ANXA4: variants seen among roughly 807,000 people sequenced by gnomAD.
The protein encoded by ANXA4 is 35-beta calcimedin.
Under a neutral mutation model 49.8 loss-of-function variants are expected in ANXA4, and 39 were observed. That is an observed-to-expected ratio of 0.78 (90% CI 0.61 to 1.02). The LOEUF (loss-of-function observed/expected upper bound fraction) is 1.02, where lower values mean the gene tolerates loss of function less well. ANXA4 is among the 50% of genes least tolerant of loss of function. The pLI, the probability that ANXA4 is intolerant of heterozygous loss-of-function variation, is 0.00. For synonymous variants in ANXA4, 134 were observed against 152.5 expected (o/e 0.88, Z 0.89); for missense variants, 360 against 410.1 (o/e 0.88, Z 1.05).
At chr2:69,651,823 G>T (rs1235517189) in intron 1 of ANXA4, among the ~76,000 whole-genome samples, 152 of 52,172 alleles carry the variant, frequency 2.9e-3, no homozygotes, top group African/African-American at 0.011. Context: ...TTTTTGGGGG[G>T]GGGGGGCGGG....
At chr2:69,760,324 A>G (rs2105521834) in intron 1 of ANXA4, among the ~76,000 whole-genome samples, 1 of 152,358 alleles carries the variant, frequency 6.6e-6, no homozygotes, top group South Asian at 2.1e-4. Context: ...ATATGGTTTA[A>G]AAATCTAAAA....
At chr2:69,715,302 T>C (rs1358523656) in intron 2 of ANXA4, among the ~76,000 whole-genome samples, 1 of 152,156 alleles carries the variant, frequency 6.6e-6, no homozygotes, top group Non-Finnish European at 1.5e-5. Flanking sequence ...CTCCCCCTCC[T>C]GGGTTCAAGC....
intron 3 of ANXA4, among the ~76,000 whole-genome samples, chr2:69,727,415 A>G (rs1300331789): frequency 6.6e-6 from 1 of 152,168 alleles, no homozygotes; most frequent in Non-Finnish European, 1.5e-5. Flanking sequence ...AACATTTGGT[A>G]TAACTAGTCT....
At chr2:69,807,125 TATA>T (rs2103823276) in intron 5 of ANXA4, among the ~76,000 whole-genome samples, 1 of 152,320 alleles carries the variant, frequency 6.6e-6, no homozygotes, top group Admixed American at 6.5e-5. Context: ...TTATACCAAT[TATA>T]ATTTAAAAGT....
chr2:69,692,744 G>A (rs1054339802), intron 2 of ANXA4, among the ~76,000 whole-genome samples: 2 of 152,148 alleles, frequency 1.3e-5, no homozygotes, highest in Non-Finnish European at 2.9e-5. Context: ...TATATACTGA[G>A]TATTTACAAT....
intron 2 of ANXA4, among the ~76,000 whole-genome samples, chr2:69,661,995 C>T (rs1368296061): frequency 6.6e-6 from 1 of 152,130 alleles, no homozygotes; most frequent in Non-Finnish European, 1.5e-5. Context: ...GCCTAAAAAA[C>T]CACCCCAACA....
chr2:69,660,887 G>A (rs1396800), intron 2 of ANXA4, among the ~76,000 whole-genome samples: 10,703 of 151,604 alleles, frequency 0.071, 1,087 homozygotes, highest in East Asian at 0.37. Flanking sequence ...GGAGGGGGAA[G>A]ATGACAATGG....
At chr2:69,711,836 C>G (rs1010625203) in intron 2 of ANXA4, among the ~76,000 whole-genome samples, 5 of 151,006 alleles carry the variant, frequency 3.3e-5, no homozygotes, top group Non-Finnish European at 1.5e-5. Context: ...ACAATGATTT[C>G]TGGTTTTGGA....
rs749471864 is a variant in ANXA4, at chr2:69,804,564, T to C, written c.129T>C (p.Leu43=). 6 of 1,613,868 alleles carry C rather than the reference T, an allele frequency of 3.7e-6. No homozygotes were observed. In the South Asian group the frequency reaches 5.5e-5, roughly 15 times the overall value. The change falls in exon 4 of 13, where the codon CTT becomes CTC. Residue 43 remains leucine, a synonymous_variant. Coordinates refer to ENST00000394295, the MANE Select transcript of ANXA4 (RefSeq NM_001153.5). ...GTDEDAIISV[L]AYRNTAQRQE... is the part of the protein sequence containing the mutation. ...ATGAAGACGCCATTATTAGCGTCCT[T>C]GCCTACCGCAACACCGCCCAGCGCC...
At chr2:69,753,945 G>A (rs1276060310) in intron 1 of ANXA4, among the ~76,000 whole-genome samples, 2 of 152,194 alleles carry the variant, frequency 1.3e-5, no homozygotes, top group Non-Finnish European at 2.9e-5. Flanking sequence ...GGTTAAATCT[G>A]GAGGGCAGAA....
intron 1 of ANXA4, among the ~76,000 whole-genome samples, chr2:69,770,666 C>T (rs1324633007): frequency 6.6e-6 from 1 of 151,844 alleles, no homozygotes; most frequent in Non-Finnish European, 1.5e-5. Context: ...GAAACTCTCT[C>T]TCAGCACGAC....
intron 1 of ANXA4, among the ~76,000 whole-genome samples, chr2:69,652,084 C>T (rs1676270060): frequency 6.6e-6 from 1 of 152,192 alleles, no homozygotes; most frequent in African/African-American, 2.4e-5. Context: ...ACAATCTCAG[C>T]TCCCTGCAAC....
At chr2:69,783,054 C>T (rs1013156887) in intron 2 of ANXA4, among the ~76,000 whole-genome samples, 1 of 151,978 alleles carries the variant, frequency 6.6e-6, no homozygotes, top group Non-Finnish European at 1.5e-5. Flanking sequence ...TTTCCTTGTA[C>T]CCCACTTAGT....
intron 1 of ANXA4, among the ~76,000 whole-genome samples, chr2:69,650,674 GA>G (rs1320419502): frequency 6.6e-6 from 1 of 152,064 alleles, no homozygotes; most frequent in Admixed American, 6.6e-5. Context: ...GTCTGATCTT[GA>G]ACTCCTGGCC....
At chr2:69,819,244 TA>T in intron 10 of ANXA4, 35 bp from the exon 11 acceptor site, 2 of 1,478,224 alleles carry the variant, frequency 1.4e-6, no homozygotes, top group South Asian at 1.2e-5. Context: ...GTCTTATCTG[TA>T]ATCTTTTCAT....
At chr2:69,778,014 G>C (rs1216711325) in intron 1 of ANXA4, among the ~76,000 whole-genome samples, 1 of 152,194 alleles carries the variant, frequency 6.6e-6, no homozygotes, top group Non-Finnish European at 1.5e-5. Flanking sequence ...ACGTGTGACT[G>C]TTCCAATAAG....
At chr2:69,810,729 C>G in intron 7 of ANXA4, 56 bp downstream of exon 7, 1 of 1,394,650 alleles carries the variant, frequency 7.2e-7, no homozygotes, top group South Asian at 1.2e-5. Context: ...ACTCTATCCC[C>G]TTTGCCAGCC....
At chr2:69,765,075 TAC>T (rs61370033) in intron 1 of ANXA4, among the ~76,000 whole-genome samples, 30,714 of 149,700 alleles carry the variant, frequency 0.21, 3,273 homozygotes, top group East Asian at 0.35. Flanking sequence ...TATATGTGTA[TAC>T]ACACACACAC....
At chr2:69,701,932 T>C in intron 2 of ANXA4, among the ~76,000 whole-genome samples, 1 of 152,322 alleles carries the variant, frequency 6.6e-6, no homozygotes, top group Middle Eastern at 3.4e-3. Flanking sequence ...CCTTTTAATA[T>C]CTTATGTTGC....
Sources: allele counts gnomAD v4.1 joint callset (sites outside exome capture counted in the v4.1 genomes callset), GRCh38; gene constraint gnomAD v4.1.1; transcripts MANE v1.5; gene names NCBI Gene and HGNC (gene_info 2026-07-23, HGNC 2026-07-21).